PNKD: variants seen among roughly 807,000 people sequenced by gnomAD.
PNKD encodes probable thioesterase PNKD.
Under a neutral mutation model 45.3 loss-of-function variants are expected in PNKD, and 36 were observed. The ratio of observed to expected loss-of-function variants is 0.80; its 90% confidence interval spans 0.61 to 1.05. The LOEUF is 1.05. PNKD is among the 50% of genes least tolerant of loss of function. PNKD has a pLI of 0.00. For synonymous variants in PNKD, 197 were observed against 210.1 expected (o/e 0.94, Z 0.54); for missense variants, 511 against 506.6 (o/e 1.01, Z -0.08).
At chr2:218,336,186 GCACGGTGACAGAGTGAGACTC>G (rs1358074514) in intron 2 of PNKD, among the ~76,000 whole-genome samples, 10 of 133,800 alleles carry the variant, frequency 7.5e-5, no homozygotes, top group Non-Finnish European at 1.4e-4. Flanking sequence ...CTGCACTCCA[GCACGGTGACAGAGTGAGACTC>G]CATCTCAAAA....
At chr2:218,274,220 T>C (rs1426952786) in intron 2 of PNKD, 3 of 154,988 alleles carry the variant, frequency 1.9e-5, no homozygotes, top group African/African-American at 7.2e-5. Flanking sequence ...ACATAAACTT[T>C]ATTACATTTA....
At chr2:218,288,439 T>C (rs1692701754) in intron 2 of PNKD, among the ~76,000 whole-genome samples, 1 of 151,860 alleles carries the variant, frequency 6.6e-6, no homozygotes, top group Non-Finnish European at 1.5e-5. Flanking sequence ...AAAAAATAAA[T>C]AAATAAAATA....
chr2:218,306,522 G>T (rs762278882), intron 2 of PNKD, among the ~76,000 whole-genome samples: 3 of 152,174 alleles, frequency 2.0e-5, no homozygotes, highest in Non-Finnish European at 2.9e-5. Context: ...TTAATCCTCC[G>T]AGTAGCTCCA....
In PNKD at chr2:218,283,420, C is replaced by T. The variant is rs1024440512; in HGVS notation, c.236+11871C>T. ...TACTGTCCTCTGGGCCTGGTGGTCC[C>T]CTCTGAGGTAGCAGAGATGCAGGCT... On this transcript the variant is annotated intron_variant, in intron 2 of 9. Coordinates refer to ENST00000273077, the MANE Select transcript of PNKD (RefSeq NM_015488.5). 4.6e-5 allele frequency among the ~76,000 whole-genome samples: 7 copies of T among 152,282 alleles called. No homozygotes were observed. The East Asian group carries it at 1.4e-3, about 29-fold the overall frequency.
At chr2:218,327,362 G>A (rs977711025) in intron 2 of PNKD, among the ~76,000 whole-genome samples, 1 of 152,182 alleles carries the variant, frequency 6.6e-6, no homozygotes, top group African/African-American at 2.4e-5. Flanking sequence ...GGGTCCTTGA[G>A]TGAATCCTCC....
intron 2 of PNKD, chr2:218,275,587 T>G: frequency 6.2e-7 from 1 of 1,613,832 alleles, no homozygotes; most frequent in East Asian, 2.2e-5. Context: ...GTGCTTCCGG[T>G]TCCCCAGGAC....
chr2:218,297,195 A>T (rs1407948278), intron 2 of PNKD, among the ~76,000 whole-genome samples: 1 of 152,150 alleles, frequency 6.6e-6, no homozygotes, highest in Non-Finnish European at 1.5e-5. Context: ...TGTGTGGGGG[A>T]TAGATAAGGT....
At chr2:218,331,148 C>A (rs917827707) in intron 2 of PNKD, among the ~76,000 whole-genome samples, 3 of 152,204 alleles carry the variant, frequency 2.0e-5, no homozygotes, top group Admixed American at 6.5e-5. Context: ...GACATGGTGG[C>A]TGATGCCTGT....
intron 2 of PNKD, chr2:218,278,920 C>T (rs1691556983): frequency 4.1e-6 from 5 of 1,211,198 alleles, no homozygotes; most frequent in Admixed American, 2.1e-5. Context: ...GAAACTGGCA[C>T]CAACTTGGGG....
chr2:218,340,637 C>G lies in PNKD; in HGVS notation c.466-91C>G. The stretch of plus-strand genomic sequence containing the variant: ...CTTCATCTCTCCATGCTCTCCTCTC[C>G]TCTCCACCAGCGCCCACACTCCTGG... On this transcript the variant is annotated intron_variant, in intron 4 of 9. Coordinates refer to ENST00000273077, the MANE Select transcript of PNKD (RefSeq NM_015488.5). This position sits in a 1 kb window ranked among gnomAD's most constrained non-coding sequence, Gnocchi z 4.2. 1.1e-6 allele frequency: 1 copy of G among 910,416 alleles called. No homozygotes were observed. Among genetic ancestry groups the G allele is most frequent in the South Asian group, 1.3e-5 (1 of 76,826 alleles). 56.4% of individuals were successfully genotyped at this position (910,416 alleles called of 1,614,324 possible).
intron 2 of PNKD, chr2:218,323,268 ATGGCTTGGCAGGGC>A: frequency 6.6e-7 from 1 of 1,522,300 alleles, no homozygotes; most frequent in African/African-American, 1.4e-5. Flanking sequence ...TGCCCCCAGC[ATGGCTTGGCAGGGC>A]TGGCCCGCGG....
chr2:218,301,956 G>A (rs528210081), intron 2 of PNKD, among the ~76,000 whole-genome samples: 3 of 152,312 alleles, frequency 2.0e-5, no homozygotes, highest in East Asian at 1.9e-4. Flanking sequence ...AGTCCAGTAG[G>A]GAAGGCAGGA....
At chr2:218,334,963 G>A (rs922828882) in intron 2 of PNKD, among the ~76,000 whole-genome samples, 11 of 151,588 alleles carry the variant, frequency 7.3e-5, no homozygotes, top group Non-Finnish European at 1.3e-4. Flanking sequence ...GCCTGGGAGC[G>A]AATCAAGACA....
rs143728280 is a variant in PNKD at position 218,276,144 on chromosome 2, A to G, written c.236+4595A>G. 3.8e-4 allele frequency: 595 copies of G among 1,561,246 alleles called. 4 individuals are homozygous for G. In the African/African-American group the frequency reaches 6.8e-3, roughly 18 times the overall value. On this transcript the variant is annotated intron_variant, in intron 2 of 9. Coordinates refer to ENST00000273077, the MANE Select transcript of PNKD (RefSeq NM_015488.5). ...AGCAAACCACAGGCCCACAGGCCCC[A>G]GCTTCCCCCGGGATAGTGGCATGAG...
intron 2 of PNKD, among the ~76,000 whole-genome samples, chr2:218,303,242 C>T (rs12053514): frequency 0.35 from 52,914 of 152,058 alleles, 9,724 homozygotes; most frequent in Middle Eastern, 0.53. Flanking sequence ...GCCACCAGCC[C>T]AGCCCTGAAC....
At chr2:218,295,820 T>C (rs1271869315) in intron 2 of PNKD, among the ~76,000 whole-genome samples, 2 of 151,532 alleles carry the variant, frequency 1.3e-5, no homozygotes, top group African/African-American at 4.8e-5. Context: ...GGCAACCAGT[T>C]TGAGCTTCAG....
chr2:218,277,803 A>G lies in PNKD; in HGVS notation c.236+6254A>G, dbSNP rs1691391453. The G allele has an allele frequency of 1.9e-6, 3 of 1,544,530 alleles. No individual in the cohort carries two copies. In the African/African-American group the frequency reaches 4.1e-5, roughly 21 times the overall value. On this transcript the variant is annotated intron_variant, in intron 2 of 9. Transcript: ENST00000273077. ...TTGGAAAGAGGCAGCCACAGAGGAG[A>G]TCAGAACAGGCGGCCCAGATAAGGT... is the stretch of plus-strand genomic sequence containing the variant.
chr2:218,319,340 A>G (rs1210951501), intron 2 of PNKD, among the ~76,000 whole-genome samples: 2 of 135,638 alleles, frequency 1.5e-5, no homozygotes, highest in African/African-American at 5.5e-5. Context: ...CATTGGGGCC[A>G]TTTGTCCTGG....
intron 1 of PNKD, 124 bp downstream of exon 1, chr2:218,270,726 A>G: frequency 2.4e-6 from 1 of 423,400 alleles, no homozygotes; most frequent in Non-Finnish European, 4.3e-6. Context: ...AAGATCTTAG[A>G]GTCTGGGGGT....
Sources: gnomAD v4.1 joint callset for allele counts (sites outside exome capture counted in the v4.1 genomes callset) on GRCh38, gnomAD v4.1.1 for gene constraint, Gnocchi (gnomAD v3.1) non-coding constraint, MANE v1.5 for transcripts, NCBI Gene and HGNC (gene_info 2026-07-23, HGNC 2026-07-21) for gene names.